SNRPD3: variants seen among roughly 807,000 people sequenced by gnomAD.
The protein encoded by SNRPD3 is small nuclear ribonucleoprotein Sm D3.
For missense variants in SNRPD3, 73 were observed against 167.5 expected, an observed-to-expected ratio of 0.44 and a Z score of 3.11; for synonymous variants, 66 against 58.4, an observed-to-expected ratio of 1.13 and a Z score of -0.59.
At chr22:24,570,815 CTTT>C (rs10705174) in intron 3 of SNRPD3, among the ~76,000 whole-genome samples, 72 of 106,680 alleles carry the variant, frequency 6.7e-4, no homozygotes, top group African/African-American at 2.0e-3. Flanking sequence ...TGAAATAATT[CTTT>C]TTTTTTTTTT....
intron 2 of SNRPD3, among the ~76,000 whole-genome samples, chr22:24,559,784 G>T (rs1366080908): frequency 6.6e-6 from 1 of 152,064 alleles, no homozygotes; most frequent in Non-Finnish European, 1.5e-5. Context: ...GTATTTGTAT[G>T]CTAGTGCTAC....
intron 2 of SNRPD3, among the ~76,000 whole-genome samples, chr22:24,567,730 G>C (rs564368393): frequency 3.4e-5 from 5 of 147,066 alleles, no homozygotes; most frequent in African/African-American, 1.2e-4. Context: ...TGGGCAACAA[G>C]AGTGAAACTC....
chr22:24,556,379 T>G (rs1421911484), intron 1 of SNRPD3, among the ~76,000 whole-genome samples: 8 of 150,646 alleles, frequency 5.3e-5, no homozygotes, highest in Admixed American at 2.6e-4. Flanking sequence ...TTTTTTTGTT[T>G]TTTTTTTTTT....
intron 2 of SNRPD3, among the ~76,000 whole-genome samples, chr22:24,560,321 A>G (rs1275028828): frequency 6.7e-6 from 1 of 149,216 alleles, no homozygotes; most frequent in African/African-American, 2.5e-5. Context: ...GACAGGTTTC[A>G]CCATATTGGC....
At chr22:24,569,945 G>A (rs1004532666) in intron 3 of SNRPD3, among the ~76,000 whole-genome samples, 1 of 152,248 alleles carries the variant, frequency 6.6e-6, no homozygotes, top group African/African-American at 2.4e-5. Context: ...CTGTCAGGCT[G>A]CGCATGATCA....
rs1438305889 is a variant in SNRPD3, at chr22:24,560,725, T to C, written c.126+2925T>C. Among the ~76,000 whole-genome samples, 69 of 121,964 alleles carry C rather than the reference T, an allele frequency of 5.7e-4. 12 individuals carry two copies. Among genetic ancestry groups the C allele is most frequent in the African/African-American group, 2.1e-3 (62 of 30,100 alleles). 80.0% of individuals were successfully genotyped at this position (121,964 alleles called of 152,430 possible). A position where few individuals can be genotyped will look rare whatever the true frequency, so the allele number is the denominator to read the frequency against. ...GCCACTGCACCTGGCCTTTTTTTTT[T>C]TTTTTTTTTTTTTTTTTTTTGAGAC... On this transcript the variant is annotated intron_variant, in intron 2 of 3. Transcript: ENST00000215829.
Position 24,557,664 on chromosome 22 carries a change from T to G in SNRPD3, c.-11T>G, listed in dbSNP as rs770045390. 2.5e-6 allele frequency: 4 copies of G among 1,611,572 alleles called. No homozygotes were observed. Among genetic ancestry groups the G allele is most frequent in the Non-Finnish European group, 3.4e-6 (4 of 1,178,550 alleles). Reference sequence around the variant, plus strand: ...TTGTCTCTCTCATTGTAGAACTCTCTTCCTGCCAAGATGTCTATTGGTGTG... The same window carrying G: ...TTGTCTCTCTCATTGTAGAACTCTCGTCCTGCCAAGATGTCTATTGGTGTG... On this transcript the variant is annotated 5_prime_UTR_variant, in exon 2 of 4. Transcript: ENST00000215829.
At chr22:24,566,332 C>T (rs2045196399) in intron 2 of SNRPD3, among the ~76,000 whole-genome samples, 1 of 152,168 alleles carries the variant, frequency 6.6e-6, no homozygotes, top group Non-Finnish European at 1.5e-5. Context: ...GGTGCAGTGG[C>T]TCCATCACAG....
At chr22:24,555,974 T>G, upstream of SNRPD3, 1 of 793,734 alleles carries the variant, frequency 1.3e-6, no homozygotes, top group South Asian at 1.8e-5. Flanking sequence ...TGGGAAAGAG[T>G]GGAATTCTGG....
rs1308625994 is a variant in SNRPD3 at position 24,572,362 on chromosome 22, C to T, written c.*385C>T. 9.1e-6 allele frequency: 5 copies of T among 552,392 alleles called. No individual in the cohort carries two copies. Among genetic ancestry groups the T allele is most frequent in the Non-Finnish European group, 1.3e-5 (4 of 310,450 alleles). The allele number at this position is 552,392 out of a possible 1,614,324, so 34.2% of individuals were successfully genotyped here. On this transcript the variant is annotated 3_prime_UTR_variant, in exon 4 of 4. Coordinates refer to ENST00000215829, the MANE Select transcript of SNRPD3 (RefSeq NM_004175.5). Reference sequence around the variant, plus strand: ...AACACACAGATTGTGTCTCATTCATCTTCAGACACAGGCACATAGTGTGGC... The same window carrying T: ...AACACACAGATTGTGTCTCATTCATTTTCAGACACAGGCACATAGTGTGGC...
At chr22:24,561,611 G>T (rs906774573) in intron 2 of SNRPD3, among the ~76,000 whole-genome samples, 3 of 152,210 alleles carry the variant, frequency 2.0e-5, no homozygotes, top group African/African-American at 7.2e-5. Flanking sequence ...AGGCTGTGAG[G>T]CTTGCCTGTC....
chr22:24,559,956 G>A (rs1368530450), intron 2 of SNRPD3, among the ~76,000 whole-genome samples: 1 of 151,902 alleles, frequency 6.6e-6, no homozygotes, highest in Non-Finnish European at 1.5e-5. Context: ...CTTATATATG[G>A]CTCTCTTCCT....
intron 1 of SNRPD3, 34 bp downstream of exon 1, chr22:24,556,105 C>A: frequency 3.6e-6 from 2 of 555,870 alleles, no homozygotes; most frequent in Non-Finnish European, 6.4e-6. Context: ...GAGGTCGAGG[C>A]GCCTGTGAGG....
chr22:24,562,727 A>C (rs930345591), intron 2 of SNRPD3, among the ~76,000 whole-genome samples: 1 of 152,198 alleles, frequency 6.6e-6, no homozygotes, highest in South Asian at 2.1e-4. Context: ...AATTAAAAAA[A>C]TTCTATGGCA....
intron 3 of SNRPD3, among the ~76,000 whole-genome samples, chr22:24,568,589 G>A (rs1461692162): frequency 2.0e-5 from 3 of 149,224 alleles, no homozygotes; most frequent in Non-Finnish European, 3.0e-5. Context: ...ATGGAGTCTC[G>A]CTCTGTCGCC....
chr22:24,564,230 C>T (rs2045174826), intron 2 of SNRPD3, among the ~76,000 whole-genome samples: 1 of 152,156 alleles, frequency 6.6e-6, no homozygotes, highest in South Asian at 2.1e-4. Flanking sequence ...GCCTGAGACA[C>T]CCCAACACAC....
At chr22:24,566,257 C>T (rs2045195756) in intron 2 of SNRPD3, among the ~76,000 whole-genome samples, 3 of 152,088 alleles carry the variant, frequency 2.0e-5, no homozygotes, top group South Asian at 2.1e-4. Context: ...ACAACAGGGG[C>T]GGCCCCAGAG....
chr22:24,562,486 A>G (rs930566114), intron 2 of SNRPD3, among the ~76,000 whole-genome samples: 4 of 152,124 alleles, frequency 2.6e-5, no homozygotes, highest in African/African-American at 7.2e-5. Flanking sequence ...AGAGCTTGCA[A>G]TGAGCCAAGA....
chr22:24,567,572 C>T (rs1443122454), intron 2 of SNRPD3, among the ~76,000 whole-genome samples: 1 of 152,156 alleles, frequency 6.6e-6, no homozygotes, highest in African/African-American at 2.4e-5. Flanking sequence ...CCTGGTGAAA[C>T]CCCACCTCTA....
Sources: allele counts gnomAD v4.1 joint callset (sites outside exome capture counted in the v4.1 genomes callset), GRCh38; gene constraint gnomAD v4.1.1; transcripts MANE v1.5; gene names NCBI Gene and HGNC (gene_info 2026-07-23, HGNC 2026-07-21).